Variants in EFHC2 observed in about 807,000 individuals in gnomAD.
EFHC2 encodes EF-hand domain-containing family member C2.
In EFHC2, 18 loss-of-function variants were observed where a neutral mutation model predicts 52.7. The observed-to-expected ratio is 0.34, with a 90% confidence interval of 0.24 to 0.51. The LOEUF is 0.51. Among genes scored for constraint, EFHC2 ranks in the 20% least tolerant of loss-of-function variants. The probability of loss-of-function intolerance (pLI) is 0.97; values close to 1 mark genes in which losing one functional copy is unlikely to be tolerated. For synonymous variants in EFHC2, 203 were observed against 204.1 expected (o/e 0.99, Z 0.04); for missense variants, 513 against 562.5 (o/e 0.91, Z 0.89).
At chrX:44,177,867 C>G (rs1428828908) in intron 12 of EFHC2, among the ~76,000 whole-genome samples, 1 of 109,820 alleles carries the variant, frequency 9.1e-6, no homozygotes, top group Non-Finnish European at 1.9e-5. Context: ...AAAGAACATG[C>G]AAGGGAGAAG....
Position 44,153,152 on chromosome X carries a change from T to C in EFHC2, c.2149-4256A>G, listed in dbSNP as rs148402193. Among the ~76,000 whole-genome samples the C allele has an allele frequency of 8.3e-3, 931 of 111,817 alleles. 8 individuals carry two copies. The highest frequency in any genetic ancestry group is 0.013 in the Non-Finnish European group (713 of 53,150). On this transcript the variant is annotated intron_variant, in intron 14 of 14. Coordinates refer to ENST00000420999, the MANE Select transcript of EFHC2 (RefSeq NM_025184.4). ...TTAAATGCTGACAATACAGAGAAAA[T>C]AATAGAACTTAAAATGCAATCTTGA...
Position 44,316,392 on chromosome X carries a change from C to G in EFHC2, c.43-3636G>C, listed in dbSNP as rs1228971895. ...CTTTGGGGACATGGCCTTGGGCAAG[C>G]CACAGCTCCCAACCCTAGAATAGAA... On this transcript the variant is annotated intron_variant, in intron 1 of 14. Transcript: ENST00000420999. Among the ~76,000 whole-genome samples the G allele has an allele frequency of 3.6e-5, 4 of 112,136 alleles. No individual in the cohort carries two copies. The East Asian group carries it at 1.1e-3, about 31-fold the overall frequency.
At chrX:44,261,009 C>G in intron 4 of EFHC2, 66 bp downstream of exon 4, 4 of 978,801 alleles carry the variant, frequency 4.1e-6, no homozygotes, top group Non-Finnish European at 5.7e-6. Context: ...TACAAACACC[C>G]TTTACTGACT....
chrX:44,314,820 A>G (rs1313157845), intron 1 of EFHC2, among the ~76,000 whole-genome samples: 1 of 111,933 alleles, frequency 8.9e-6, no homozygotes, highest in Non-Finnish European at 1.9e-5. Flanking sequence ...AATGTTTCTT[A>G]AGTACTTACT....
intron 4 of EFHC2, among the ~76,000 whole-genome samples, chrX:44,257,307 A>G (rs909244549): frequency 4.5e-5 from 5 of 110,578 alleles, no homozygotes; most frequent in African/African-American, 1.6e-4. Context: ...AGGGCAAGAG[A>G]AAGAAATAAA....
At chrX:44,160,063 GC>G (rs2036639679) in intron 14 of EFHC2, among the ~76,000 whole-genome samples, 1 of 112,213 alleles carries the variant, frequency 8.9e-6, no homozygotes, top group Non-Finnish European at 1.9e-5. Flanking sequence ...TGATCGTAGA[GC>G]TAAGGATTTG....
At chrX:44,328,578 C>G (rs1170574925) in intron 1 of EFHC2, among the ~76,000 whole-genome samples, 1 of 111,962 alleles carries the variant, frequency 8.9e-6, no homozygotes, top group Non-Finnish European at 1.9e-5. Context: ...GCAATCTCCC[C>G]GTGACCCCCA....
intron 2 of EFHC2, among the ~76,000 whole-genome samples, chrX:44,309,063 C>T (rs1460732282): frequency 2.7e-5 from 3 of 112,697 alleles, no homozygotes; most frequent in East Asian, 5.6e-4. Context: ...GAGGGTCAAC[C>T]CTCACTTTAA....
intron 1 of EFHC2, among the ~76,000 whole-genome samples, chrX:44,320,800 C>A (rs990761267): frequency 2.7e-5 from 3 of 110,216 alleles, no homozygotes; most frequent in Admixed American, 9.7e-5. Context: ...CTTCTCCCCT[C>A]CATTCACTCC....
chrX:44,339,532 G>C (rs2038139787), intron 1 of EFHC2, among the ~76,000 whole-genome samples: 1 of 111,168 alleles, frequency 9.0e-6, no homozygotes, highest in African/African-American at 3.3e-5. Flanking sequence ...TTGTATTTGA[G>C]AGAGAGAAAT....
chrX:44,304,701 C>G (rs905859959), intron 2 of EFHC2, among the ~76,000 whole-genome samples: 4 of 110,582 alleles, frequency 3.6e-5, no homozygotes, highest in African/African-American at 1.3e-4. Context: ...ATAACGAAGT[C>G]TTTGAAGGGT....
chrX:44,310,741 A>C, intron 2 of EFHC2, among the ~76,000 whole-genome samples: 1 of 111,928 alleles, frequency 8.9e-6, no homozygotes, highest in South Asian at 3.7e-4. Context: ...GTTGACCAAC[A>C]AAATAACTGA....
intron 11 of EFHC2, among the ~76,000 whole-genome samples, chrX:44,199,491 T>G (rs1350711506): frequency 8.9e-6 from 1 of 112,510 alleles, no homozygotes; most frequent in African/African-American, 3.2e-5. Flanking sequence ...AAAATTAACA[T>G]GAAATTAGAC....
Position 44,147,957 on chromosome X carries a change from G to GA in EFHC2, c.*837dup, listed in dbSNP as rs1241861027. On this transcript the variant is annotated 3_prime_UTR_variant, in exon 15 of 15. Coordinates refer to ENST00000420999, the MANE Select transcript of EFHC2 (RefSeq NM_025184.4). ...CTGAAGAAAAATAAAAATAGAACTA[G>GA]AAAAATGCAGGGGAAAAATGTTGTA... is the stretch of plus-strand genomic sequence containing the variant. 9.1e-6 allele frequency: 1 copy of GA among 110,034 alleles called. No individual in the cohort carries two copies. The highest frequency in any genetic ancestry group is 9.8e-5 in the Admixed American group (1 of 10,233). 9.1% of individuals were successfully genotyped at this position (110,034 alleles called of 1,213,427 possible).
At chrX:44,196,223 T>C (rs1042487869) in intron 11 of EFHC2, among the ~76,000 whole-genome samples, 1 of 111,611 alleles carries the variant, frequency 9.0e-6, no homozygotes, top group Admixed American at 9.5e-5. Flanking sequence ...AGCTTATAGT[T>C]ACTTTATGAA....
chrX:44,298,489 G>C (rs2037843282), intron 2 of EFHC2, among the ~76,000 whole-genome samples: 1 of 111,771 alleles, frequency 8.9e-6, no homozygotes, highest in South Asian at 3.7e-4. Context: ...TGAGGCAACA[G>C]AGACGTCTAG....
chrX:44,228,921 T>C (rs1415809443), intron 11 of EFHC2, among the ~76,000 whole-genome samples: 1 of 111,986 alleles, frequency 8.9e-6, no homozygotes, highest in African/African-American at 3.3e-5. Context: ...CCATCCATGA[T>C]TTAATTTATT....
intron 13 of EFHC2, among the ~76,000 whole-genome samples, chrX:44,175,882 A>G (rs1047612303): frequency 2.7e-5 from 3 of 111,724 alleles, no homozygotes; most frequent in Non-Finnish European, 3.8e-5. Flanking sequence ...TATGTTTTAC[A>G]TCTGGTGCTC....
At chrX:44,218,607 C>T (rs1234451480) in intron 11 of EFHC2, among the ~76,000 whole-genome samples, 3 of 112,086 alleles carry the variant, frequency 2.7e-5, no homozygotes, top group Non-Finnish European at 3.8e-5. Flanking sequence ...GACTTAAAAG[C>T]GAAAGCTAAA....
Sources: gnomAD v4.1 joint callset for allele counts (sites outside exome capture counted in the v4.1 genomes callset) on GRCh38, gnomAD v4.1.1 for gene constraint, MANE v1.5 for transcripts, NCBI Gene and HGNC (gene_info 2026-07-23, HGNC 2026-07-21) for gene names.